ZNF385D: variants seen among roughly 807,000 people sequenced by gnomAD.
ZNF385D encodes zinc finger protein 385D, also known as zinc finger protein 659.
In ZNF385D, 15 loss-of-function variants were observed where a neutral mutation model predicts 35.8. The observed-to-expected ratio is 0.42, with a 90% CI of 0.28 to 0.64. ZNF385D has a LOEUF of 0.64. Among genes scored for constraint, ZNF385D ranks in the 30% least tolerant of loss-of-function variants. ZNF385D has a pLI of 0.23. For synonymous variants in ZNF385D, 212 were observed against 186.8 expected (o/e 1.13, Z -1.10); for missense variants, 474 against 494.6 (o/e 0.96, Z 0.39).
chr3:21,811,950 T>A (rs1005254267), intron 3 of ZNF385D, among the ~76,000 whole-genome samples: 2 of 152,188 alleles, frequency 1.3e-5, no homozygotes, highest in African/African-American at 4.8e-5. Flanking sequence ...AGACATTTTG[T>A]GCCTTCAAAA....
Position 21,538,714 on chromosome 3 carries a change from G to A in ZNF385D, c.276+25860C>T, listed in dbSNP as rs922188064. On this transcript the variant is annotated intron_variant, in intron 3 of 7. Coordinates refer to ENST00000281523, the MANE Select transcript of ZNF385D (RefSeq NM_024697.3). ...CCAATAGAATTATACGGTGTGAACTGCATATCTCAGTATCTCCACAGGGAA... is the reference window on the plus strand; with the variant it reads ...CCAATAGAATTATACGGTGTGAACTACATATCTCAGTATCTCCACAGGGAA... Among the ~76,000 whole-genome samples, 31 of 152,040 alleles carry A rather than the reference G, an allele frequency of 2.0e-4. 1 individual carries two copies. The highest frequency in any genetic ancestry group is 7.4e-5 in the Non-Finnish European group (5 of 68,016).
chr3:21,760,888 A>G (rs1435247531), intron 3 of ZNF385D, among the ~76,000 whole-genome samples: 1 of 152,182 alleles, frequency 6.6e-6, no homozygotes, highest in Non-Finnish European at 1.5e-5. Flanking sequence ...TAATTTATTT[A>G]TATTTAGCGT....
At chr3:22,336,399 G>A (rs559435534) in intron 2 of ZNF385D, among the ~76,000 whole-genome samples, 9 of 152,060 alleles carry the variant, frequency 5.9e-5, no homozygotes, top group African/African-American at 1.2e-4. Flanking sequence ...ATAGTTTTAC[G>A]GAACTGATTT....
intron 4 of ZNF385D, among the ~76,000 whole-genome samples, chr3:21,486,699 T>C (rs1705055406): frequency 6.6e-6 from 1 of 152,130 alleles, no homozygotes; most frequent in Non-Finnish European, 1.5e-5. Context: ...AGGTCACATC[T>C]AGTACGACCA....
At chr3:21,486,317 A>G (rs1489601676) in intron 4 of ZNF385D, among the ~76,000 whole-genome samples, 2 of 148,494 alleles carry the variant, frequency 1.3e-5, no homozygotes, top group African/African-American at 2.5e-5. Flanking sequence ...CTACATATGA[A>G]GAAAAGGAGC....
intron 3 of ZNF385D, among the ~76,000 whole-genome samples, chr3:21,795,838 C>G (rs183168098): frequency 6.6e-6 from 1 of 152,148 alleles, no homozygotes; most frequent in East Asian, 1.9e-4. Flanking sequence ...GAATGACAGG[C>G]GCTATTCTCA....
In ZNF385D at chr3:22,279,134, G is replaced by T. The variant is rs186450840; in HGVS notation, c.106+93316C>A. Among the ~76,000 whole-genome samples, 4 of 151,998 alleles carry T rather than the reference G, an allele frequency of 2.6e-5. No homozygotes were observed. The East Asian group carries it at 7.8e-4, about 30-fold the overall frequency. On this transcript the variant is annotated intron_variant, in intron 2 of 5. Transcript: ENST00000494108. ...TTTTTGTTTTATTTCAATAGGTTTT[G>T]GGGGAACAGGTGATGTTTGGTTACA...
intron 3 of ZNF385D, among the ~76,000 whole-genome samples, chr3:22,021,995 G>A (rs1036384402): frequency 1.3e-5 from 2 of 152,150 alleles, no homozygotes; most frequent in Non-Finnish European, 2.9e-5. Context: ...ATCCATGCCA[G>A]GGCACAGAGG....
chr3:22,258,110 A>C (rs1042094373), intron 2 of ZNF385D, among the ~76,000 whole-genome samples: 3 of 151,778 alleles, frequency 2.0e-5, no homozygotes, highest in Non-Finnish European at 4.4e-5. Flanking sequence ...TTAATTTGAG[A>C]GTGAGGGGAG....
At chr3:21,749,382 G>A (rs886832595) in intron 1 of ZNF385D, among the ~76,000 whole-genome samples, 3 of 152,178 alleles carry the variant, frequency 2.0e-5, no homozygotes, top group South Asian at 2.1e-4. Context: ...ACTTCCTCAC[G>A]ACGATCACAT....
intron 4 of ZNF385D, among the ~76,000 whole-genome samples, chr3:21,508,190 T>C (rs1410154985): frequency 6.6e-6 from 1 of 152,156 alleles, no homozygotes; most frequent in Non-Finnish European, 1.5e-5. Context: ...GGAAGGGTGC[T>C]TCATCATCTC....
intron 2 of ZNF385D, among the ~76,000 whole-genome samples, chr3:21,652,467 AT>A (rs1436680633): frequency 1.1e-4 from 17 of 152,038 alleles, no homozygotes; most frequent in East Asian, 1.9e-4. Context: ...GTATTAATAT[AT>A]TTTTTTAATT....
chr3:22,078,311 A>G (rs1474930876), intron 3 of ZNF385D, among the ~76,000 whole-genome samples: 1 of 152,080 alleles, frequency 6.6e-6, no homozygotes, highest in African/African-American at 2.4e-5. Flanking sequence ...GAATGACTGC[A>G]TCGCATTGCA....
At chr3:22,190,267 C>G (rs1480912385) in intron 2 of ZNF385D, among the ~76,000 whole-genome samples, 1 of 152,080 alleles carries the variant, frequency 6.6e-6, no homozygotes, top group Non-Finnish European at 1.5e-5. Flanking sequence ...ACATTCTGTC[C>G]ATGATATGGT....
intron 3 of ZNF385D, among the ~76,000 whole-genome samples, chr3:21,963,291 G>C (rs1192241063): frequency 3.3e-5 from 5 of 152,146 alleles, no homozygotes; most frequent in Admixed American, 3.3e-4. Flanking sequence ...ATGTGAGGGT[G>C]TGTTCGGAGG....
intron 3 of ZNF385D, among the ~76,000 whole-genome samples, chr3:22,043,372 A>G (rs114726389): frequency 0.016 from 2,399 of 152,232 alleles, 66 homozygotes; most frequent in African/African-American, 0.055. Flanking sequence ...TTATTTTTTA[A>G]CGTACTGAAA....
At chr3:22,351,195 G>C (rs1695900421) in intron 2 of ZNF385D, among the ~76,000 whole-genome samples, 1 of 152,094 alleles carries the variant, frequency 6.6e-6, no homozygotes, top group Admixed American at 6.5e-5. Context: ...AAAGTAGCCA[G>C]AATTGGTTTT....
intron 2 of ZNF385D, among the ~76,000 whole-genome samples, chr3:22,256,816 T>C (rs1293781733): frequency 1.3e-5 from 2 of 151,898 alleles, no homozygotes; most frequent in Admixed American, 6.6e-5. Flanking sequence ...TGTAATGAAC[T>C]AAAACTCTCT....
At chr3:22,083,731 A>G (rs781473696) in intron 3 of ZNF385D, among the ~76,000 whole-genome samples, 5 of 152,194 alleles carry the variant, frequency 3.3e-5, no homozygotes, top group Non-Finnish European at 7.3e-5. Context: ...AATACAGAGA[A>G]CACCACAAAG....
Sources: gnomAD v4.1 joint callset for allele counts (sites outside exome capture counted in the v4.1 genomes callset) on GRCh38, gnomAD v4.1.1 for gene constraint, MANE v1.5 for transcripts, NCBI Gene and HGNC (gene_info 2026-07-23, HGNC 2026-07-21) for gene names.